Variants in KIAA1549L observed in about 807,000 individuals in gnomAD.
The protein encoded by KIAA1549L is KIAA1549 like, also known as UPF0606 protein KIAA1549L.
In KIAA1549L, 88 loss-of-function variants were observed where a neutral mutation model predicts 160.7. The ratio of observed to expected loss-of-function variants is 0.55; its 90% CI spans 0.46 to 0.65. The LOEUF is 0.65. Among genes scored for constraint, KIAA1549L ranks in the 30% least tolerant of loss-of-function variants. The probability of loss-of-function intolerance (pLI) is 0.00; values close to 1 mark genes in which losing one functional copy is unlikely to be tolerated. For missense variants in KIAA1549L, 2,258 were observed against 2,437.5 expected, an observed-to-expected ratio of 0.93 and a Z score of 1.55; for synonymous variants, 950 against 976.7, an observed-to-expected ratio of 0.97 and a Z score of 0.51.
intron 11 of KIAA1549L, 37 bp from the exon 12 acceptor site, chr11:33,591,200 C>T: frequency 6.5e-7 from 1 of 1,533,362 alleles, no homozygotes; most frequent in Non-Finnish European, 8.9e-7. Flanking sequence ...TCACACTTCG[C>T]TAGAAATACG....
intron 1 of KIAA1549L, among the ~76,000 whole-genome samples, chr11:33,404,144 A>T (rs973884596): frequency 6.6e-6 from 1 of 152,230 alleles, no homozygotes; most frequent in Non-Finnish European, 1.5e-5. Context: ...GGTGGAATGG[A>T]TCCTTTAAAT....
intron 13 of KIAA1549L, among the ~76,000 whole-genome samples, chr11:33,606,223 C>T (rs1850497179): frequency 6.6e-6 from 1 of 152,130 alleles, no homozygotes; most frequent in South Asian, 2.1e-4. Flanking sequence ...GCATTGGTGG[C>T]TGAACCTGAA....
rs143477977 is a variant in KIAA1549L at position 33,494,255 on chromosome 11, G to A, written c.239-47547G>A. Among the ~76,000 whole-genome samples, 1,024 of 152,258 alleles carry A rather than the reference G, an allele frequency of 6.7e-3. 8 individuals carry two copies. The highest frequency in any genetic ancestry group is 8.3e-3 in the Non-Finnish European group (565 of 68,016). ...AGATATGTTTTACTCTGAACCCAAT[G>A]CAAGAAAACCAAAACTTAATGGATT... On this transcript the variant is annotated intron_variant, in intron 1 of 20. Coordinates refer to ENST00000658780, the MANE Select transcript of KIAA1549L (RefSeq NM_012194.3).
intron 1 of KIAA1549L, among the ~76,000 whole-genome samples, chr11:33,448,335 T>C (rs1590252684): frequency 1.3e-5 from 2 of 152,136 alleles, no homozygotes; most frequent in South Asian, 2.1e-4. Flanking sequence ...ATACCAGGGA[T>C]GTATGTCCTT....
At chr11:33,533,190 C>T (rs964037372) in intron 1 of KIAA1549L, among the ~76,000 whole-genome samples, 2 of 152,078 alleles carry the variant, frequency 1.3e-5, no homozygotes, top group Non-Finnish European at 2.9e-5. Flanking sequence ...TGCTACATGG[C>T]GGGAATAATT....
At chr11:33,659,526 A>G (rs943037921) in intron 19 of KIAA1549L, among the ~76,000 whole-genome samples, 22 of 152,206 alleles carry the variant, frequency 1.4e-4, no homozygotes, top group Non-Finnish European at 2.4e-4. Flanking sequence ...GTTTTTTGCT[A>G]TAACAAACAA....
At chr11:33,512,732 T>C (rs1853256111) in intron 1 of KIAA1549L, among the ~76,000 whole-genome samples, 2 of 152,148 alleles carry the variant, frequency 1.3e-5, no homozygotes, top group Non-Finnish European at 2.9e-5. Flanking sequence ...CTGCTCTAGG[T>C]AATATTCGAA....
intron 9 of KIAA1549L, among the ~76,000 whole-genome samples, chr11:33,572,952 A>T (rs1049338036): frequency 6.6e-6 from 1 of 152,132 alleles, no homozygotes; most frequent in Non-Finnish European, 1.5e-5. Context: ...TTCCTCATCA[A>T]CACTTGGTGT....
chr11:33,459,116 T>A (rs1851887803), intron 1 of KIAA1549L, among the ~76,000 whole-genome samples: 1 of 152,196 alleles, frequency 6.6e-6, no homozygotes, highest in Admixed American at 6.5e-5. Context: ...AATTTGGATG[T>A]TTGTATGTTA....
At chr11:33,621,693 A>C (rs1850962013) in intron 16 of KIAA1549L, among the ~76,000 whole-genome samples, 2 of 152,244 alleles carry the variant, frequency 1.3e-5, no homozygotes, top group South Asian at 4.1e-4. Flanking sequence ...TATGATTCTC[A>C]GGCAGAATAA....
At chr11:33,580,606 A>G (rs1855607002) in intron 10 of KIAA1549L, among the ~76,000 whole-genome samples, 1 of 150,826 alleles carries the variant, frequency 6.6e-6, no homozygotes, top group South Asian at 2.1e-4. Context: ...AGAAAAGAAA[A>G]AAAAAGCCAC....
Position 33,551,237 on chromosome 11 carries a change from A to C in KIAA1549L, c.3699A>C (p.Ala1233=), listed in dbSNP as rs1317955954. 1 of 1,613,328 alleles carries C rather than the reference A, an allele frequency of 6.2e-7. No individual in the cohort carries two copies. The highest frequency in any genetic ancestry group is 8.5e-7 in the Non-Finnish European group (1 of 1,179,832). The change falls in exon 5 of 21, where the codon GCA becomes GCC. Residue 1233 remains alanine, a synonymous_variant. Transcript: ENST00000658780. ...VLASPWNPQP[A]GYFQLKTVLQ... ...CCTCCCCATGGAATCCCCAGCCTGC[A>C]GGCTACTTCCAGCTAAAAACAGGCA...
chr11:33,379,390 A>C (rs1850027622), intron 1 of KIAA1549L, among the ~76,000 whole-genome samples: 1 of 152,048 alleles, frequency 6.6e-6, no homozygotes. Flanking sequence ...GCCCTCCATT[A>C]GACTCCTAAC....
At chr11:33,590,178 A>G (rs552725690) in intron 11 of KIAA1549L, among the ~76,000 whole-genome samples, 1 of 152,358 alleles carries the variant, frequency 6.6e-6, no homozygotes, top group Admixed American at 6.5e-5. Context: ...GCTCTCACAA[A>G]CATATAAATT....
intron 1 of KIAA1549L, among the ~76,000 whole-genome samples, chr11:33,435,759 G>GAGAT (rs1429879805): frequency 0.04 from 597 of 14,884 alleles, 125 homozygotes; most frequent in Middle Eastern, 0.083. Context: ...GAACCAATAA[G>GAGAT]ATATATATAT....
intron 1 of KIAA1549L, among the ~76,000 whole-genome samples, chr11:33,400,052 T>G (rs139479279): frequency 2.6e-5 from 4 of 152,172 alleles, no homozygotes; most frequent in Non-Finnish European, 4.4e-5. Context: ...TGTTTAATAA[T>G]ATGTTCAATG....
intron 15 of KIAA1549L, among the ~76,000 whole-genome samples, chr11:33,616,861 G>A (rs147871825): frequency 4.6e-5 from 7 of 152,202 alleles, no homozygotes; most frequent in East Asian, 3.9e-4. Flanking sequence ...CGGTGTTGGC[G>A]GGCACGGAGG....
intron 1 of KIAA1549L, among the ~76,000 whole-genome samples, chr11:33,482,041 C>A (rs1027105646): frequency 6.6e-6 from 1 of 152,214 alleles, no homozygotes; most frequent in Admixed American, 6.5e-5. Context: ...TTATAACTTT[C>A]CCTAAGTCAT....
intron 1 of KIAA1549L, among the ~76,000 whole-genome samples, chr11:33,408,008 T>G (rs1288575801): frequency 2.0e-5 from 3 of 152,170 alleles, no homozygotes; most frequent in African/African-American, 7.2e-5. Context: ...AAGTTGTTTT[T>G]TTTTCCCACC....
Sources: gnomAD v4.1 joint callset for allele counts (sites outside exome capture counted in the v4.1 genomes callset) on GRCh38, gnomAD v4.1.1 for gene constraint, MANE v1.5 for transcripts, NCBI Gene and HGNC (gene_info 2026-07-23, HGNC 2026-07-21) for gene names.